SNAPC3: variants seen among roughly 807,000 people sequenced by gnomAD.
SNAPC3 encodes the protein snRNA-activating protein complex subunit 3.
In SNAPC3, 56 loss-of-function variants were observed where a neutral mutation model predicts 47.7. The observed-to-expected ratio is 1.18, with a 90% CI of 0.95 to 1.47. SNAPC3 has a LOEUF of 1.47. Among genes scored for constraint, SNAPC3 ranks in the 40% most tolerant of loss-of-function variants. SNAPC3 has a pLI of 0.00. For synonymous variants in SNAPC3, 235 were observed against 189.9 expected, an observed-to-expected ratio of 1.24 and a Z score of -1.95; for missense variants, 665 against 511.3, an observed-to-expected ratio of 1.30 and a Z score of -2.90.
intron 7 of SNAPC3, among the ~76,000 whole-genome samples, chr9:15,454,654 T>C (rs1179173066): frequency 1.3e-5 from 2 of 152,100 alleles, no homozygotes; most frequent in African/African-American, 4.8e-5. Context: ...ATTAAGCAAA[T>C]GGGCCAGGCC....
intron 2 of SNAPC3, chr9:15,431,785 CA>C (rs2032178385): frequency 6.7e-6 from 1 of 149,470 alleles, no homozygotes; most frequent in Non-Finnish European, 1.5e-5. Context: ...AAACTGAATT[CA>C]AAAACTAAAA....
At chr9:15,439,260 C>G (rs2033107415) in intron 3 of SNAPC3, among the ~76,000 whole-genome samples, 1 of 152,194 alleles carries the variant, frequency 6.6e-6, no homozygotes, top group Non-Finnish European at 1.5e-5. Flanking sequence ...ATCTGCCCAC[C>G]TTGGTCTCCC....
chr9:15,436,909 C>T (rs1275111801), intron 3 of SNAPC3, among the ~76,000 whole-genome samples: 2 of 148,116 alleles, frequency 1.4e-5, no homozygotes, highest in African/African-American at 2.5e-5. Flanking sequence ...CCGCAACCTT[C>T]GCCTCCCGGG....
At chr9:15,456,940 T>A (rs551926419) in intron 7 of SNAPC3, among the ~76,000 whole-genome samples, 11 of 152,272 alleles carry the variant, frequency 7.2e-5, no homozygotes, top group South Asian at 2.1e-4. Flanking sequence ...GTTTTAATTT[T>A]AAAAAAATCA....
chr9:15,462,895 T>C (rs976348547), downstream of SNAPC3: 4 of 152,168 alleles, frequency 2.6e-5, no homozygotes, highest in Admixed American at 6.5e-5. Context: ...TCGGACAAAA[T>C]AGAGTTAGCA....
Position 15,423,994 on chromosome 9 carries a change from G to T in SNAPC3, c.392+8G>T, listed in dbSNP as rs2030977352. ...TGACCTGGTGACTTTGGGGTATGGA[G>T]GACTTGGTTTTTATGACCTATTTAT... On this transcript the variant is annotated splice_region_variant and intron_variant, in intron 2 of 8. Coordinates refer to ENST00000380821, the MANE Select transcript of SNAPC3 (RefSeq NM_001039697.2). 1 of 1,518,656 alleles carries T rather than the reference G, an allele frequency of 6.6e-7. No homozygotes were observed. The highest frequency in any genetic ancestry group is 8.9e-7 in the Non-Finnish European group (1 of 1,124,922). The allele number at this position is 1,518,656 out of a possible 1,614,324, so 94.1% of individuals were successfully genotyped here.
chr9:15,426,025 T>C (rs1451678467), intron 2 of SNAPC3, among the ~76,000 whole-genome samples: 1 of 152,116 alleles, frequency 6.6e-6, no homozygotes, highest in African/African-American at 2.4e-5. Context: ...CCACGCTTAA[T>C]TTTGTATTTT....
chr9:15,431,491 C>G (rs1587190012), intron 2 of SNAPC3, among the ~76,000 whole-genome samples: 3 of 152,010 alleles, frequency 2.0e-5, no homozygotes, highest in Admixed American at 6.5e-5. Flanking sequence ...TTTTTTTCTT[C>G]CTAATTGAAC....
downstream of SNAPC3, chr9:15,463,580 A>G (rs1326633717): frequency 1.3e-5 from 2 of 151,934 alleles, no homozygotes; most frequent in Non-Finnish European, 2.9e-5. Flanking sequence ...TGGAGTTTTG[A>G]CCACACACAC....
chr9:15,436,791 T>C (rs1302053661), intron 3 of SNAPC3, among the ~76,000 whole-genome samples: 1 of 151,722 alleles, frequency 6.6e-6, no homozygotes, highest in Non-Finnish European at 1.5e-5. Context: ...TTTCTTTCCA[T>C]TTATTTAGAT....
At chr9:15,463,880 G>A (rs1246765581), downstream of SNAPC3, 1 of 152,984 alleles carries the variant, frequency 6.5e-6, no homozygotes, top group African/African-American at 2.4e-5. Context: ...GGAAGAAAGG[G>A]AGGGTGAACA....
rs2034002590 is a variant in SNAPC3 at position 15,447,212 on chromosome 9, A to G, written c.700A>G (p.Thr234Ala). The change falls in exon 5 of 9, where the codon ACT becomes GCT. Residue 234 changes from threonine to alanine, a missense_variant. Thr to Ala is a moderately conservative substitution (Grantham distance 58). Coordinates refer to ENST00000380821, the MANE Select transcript of SNAPC3 (RefSeq NM_001039697.2). Reference sequence around the variant, plus strand: ...CCAGATTGGTGGTGAATTCAGCAACACTCCTGACCAAGCCCCTGAGCACAT... The same window carrying G: ...CCAGATTGGTGGTGAATTCAGCAACGCTCCTGACCAAGCCCCTGAGCACAT... ...DLQIGGEFSN[T>A]PDQAPEHISK... The G allele has an allele frequency of 6.2e-7, 1 of 1,613,876 alleles. No individual in the cohort carries two copies. The highest frequency in any genetic ancestry group is 1.7e-5 in the Admixed American group (1 of 59,994).
At chr9:15,433,965 C>G (rs978267751) in intron 3 of SNAPC3, 2 of 186,412 alleles carry the variant, frequency 1.1e-5, no homozygotes, top group African/African-American at 4.7e-5. Flanking sequence ...ATTCTCAATC[C>G]TCATCTATTA....
At chr9:15,456,105 C>A (rs1033908563) in intron 7 of SNAPC3, among the ~76,000 whole-genome samples, 5 of 152,102 alleles carry the variant, frequency 3.3e-5, no homozygotes, top group African/African-American at 1.2e-4. Context: ...AACTCCCGAC[C>A]TCAGGTGATC....
chr9:15,457,849 T>C lies in SNAPC3; in HGVS notation c.981-111T>C. On this transcript the variant is annotated intron_variant, in intron 7 of 8. Transcript: ENST00000380821. ...TTCAGCAACATCTTGTAAGCAAAAA[T>C]TGAAAGTATCTATTTTCCTAATACT... is the stretch of plus-strand genomic sequence containing the variant. 3 of 675,214 alleles carry C rather than the reference T, an allele frequency of 4.4e-6. 1 individual carries two copies. The Admixed American group carries it at 1.0e-4, about 24-fold the overall frequency. The allele number at this position is 675,214 out of a possible 1,614,324, so 41.8% of individuals were successfully genotyped here.
chr9:15,438,897 A>ATCT (rs1329191667), intron 3 of SNAPC3, among the ~76,000 whole-genome samples: 1 of 151,916 alleles, frequency 6.6e-6, no homozygotes, highest in African/African-American at 2.4e-5. Flanking sequence ...TTCTTTATTG[A>ATCT]TCTTCTATCT....
intron 3 of SNAPC3, among the ~76,000 whole-genome samples, chr9:15,434,867 G>A (rs1265691384): frequency 6.6e-6 from 1 of 151,982 alleles, no homozygotes; most frequent in African/African-American, 2.4e-5. Flanking sequence ...TTTATCTTTT[G>A]GCTATTGCGA....
downstream of SNAPC3, chr9:15,466,650 A>G (rs183892269): frequency 1.5e-3 from 1,340 of 896,936 alleles, 25 homozygotes; most frequent in South Asian, 0.025. Flanking sequence ...TGATCAAAAG[A>G]TAACTGCTTA....
At chr9:15,448,963 T>C (rs1000382412) in intron 5 of SNAPC3, among the ~76,000 whole-genome samples, 2 of 152,016 alleles carry the variant, frequency 1.3e-5, no homozygotes, top group African/African-American at 4.8e-5. Context: ...GTGGCCCCAC[T>C]GCGCCCAGTT....
Sources: gnomAD v4.1 joint callset for allele counts (sites outside exome capture counted in the v4.1 genomes callset) on GRCh38, gnomAD v4.1.1 for gene constraint, MANE v1.5 for transcripts, NCBI Gene and HGNC (gene_info 2026-07-23, HGNC 2026-07-21) for gene names.